GRXCR1: variants seen among roughly 807,000 people sequenced by gnomAD.
GRXCR1 encodes the protein glutaredoxin domain-containing cysteine-rich protein 1.
GRXCR1 carries 27 observed loss-of-function variants against 27.3 expected under a neutral mutation model. The observed-to-expected ratio is 0.99, with a 90% confidence interval of 0.73 to 1.37. The LOEUF (loss-of-function observed/expected upper bound fraction) is 1.37. Among genes scored for constraint, GRXCR1 ranks in the 40% most tolerant of loss-of-function variants. The pLI is 0.00. For missense variants in GRXCR1, 379 were observed against 354.4 expected (o/e 1.07, Z -0.56); for synonymous variants, 122 against 131.1 (o/e 0.93, Z 0.47).
intron 1 of GRXCR1, among the ~76,000 whole-genome samples, chr4:42,939,834 GC>G (rs768018916): frequency 2.6e-4 from 40 of 151,918 alleles, no homozygotes; most frequent in Non-Finnish European, 4.4e-4. Flanking sequence ...CACAGTGTTT[GC>G]CCAGGGGTAT....
chr4:42,980,512 T>G (rs537540558), intron 2 of GRXCR1, among the ~76,000 whole-genome samples: 1 of 152,228 alleles, frequency 6.6e-6, no homozygotes, highest in Non-Finnish European at 1.5e-5. Flanking sequence ...ATACTTGATA[T>G]GATTTTAATC....
At chr4:43,015,970 G>T (rs1379872968) in intron 2 of GRXCR1, among the ~76,000 whole-genome samples, 1 of 152,134 alleles carries the variant, frequency 6.6e-6, no homozygotes, top group Non-Finnish European at 1.5e-5. Context: ...TACACAGATA[G>T]CTAAAATCTG....
chr4:42,930,870 A>G (rs746000202), intron 1 of GRXCR1, among the ~76,000 whole-genome samples: 2 of 151,952 alleles, frequency 1.3e-5, no homozygotes, highest in African/African-American at 2.4e-5. Flanking sequence ...TTTTGCTGTG[A>G]CAATAATTAG....
chr4:42,939,332 T>C (rs1298724162), intron 1 of GRXCR1, among the ~76,000 whole-genome samples: 1 of 144,756 alleles, frequency 6.9e-6, no homozygotes, highest in Non-Finnish European at 1.5e-5. Context: ...AGAAATAATA[T>C]GAATTTTGTA....
chr4:42,919,608 C>T (rs1746963772), intron 1 of GRXCR1, among the ~76,000 whole-genome samples: 1 of 152,008 alleles, frequency 6.6e-6, no homozygotes, highest in Non-Finnish European at 1.5e-5. Context: ...GAAAGAAATA[C>T]ATTTGGATGA....
In GRXCR1 at chr4:42,934,820, G is replaced by A. The variant is rs182847905; in HGVS notation, c.385-28072G>A. Among the ~76,000 whole-genome samples, 307 of 151,998 alleles carry A rather than the reference G, an allele frequency of 2.0e-3. 3 individuals are homozygous for A. The highest frequency in any genetic ancestry group is 3.2e-3 in the Non-Finnish European group (216 of 67,932). ...TTGATAAGAGTTGATTGGTGATGAC[G>A]AGGCCATGTCAATGAGCTCAAAGAA... On this transcript the variant is annotated intron_variant, in intron 1 of 3. Transcript: ENST00000399770.
At chr4:42,962,457 T>A (rs893744253) in intron 1 of GRXCR1, among the ~76,000 whole-genome samples, 1 of 151,912 alleles carries the variant, frequency 6.6e-6, no homozygotes, top group African/African-American at 2.4e-5. Context: ...GACTGTACAA[T>A]TGGATAAATT....
chr4:42,987,248 A>ATATTATATATT (rs370379241), intron 2 of GRXCR1, among the ~76,000 whole-genome samples: 4 of 67,560 alleles, frequency 5.9e-5, no homozygotes, highest in Admixed American at 1.9e-4. Context: ...TATAATATAT[A>ATATTATATATT]ATATATATAT....
At chr4:42,966,752 T>C (rs1344922886) in intron 2 of GRXCR1, among the ~76,000 whole-genome samples, 1 of 152,112 alleles carries the variant, frequency 6.6e-6, no homozygotes, top group Non-Finnish European at 1.5e-5. Flanking sequence ...TGTGTAGAGA[T>C]ATCTCATTGT....
rs1254629616 is a variant in GRXCR1, at chr4:43,026,354, T to A, written c.694-4007T>A. ...TTTGAAAGACATGGCTAGGCATGACTAAATTATTTATTCTTATTAGAATAA... is the reference window on the plus strand; with the variant it reads ...TTTGAAAGACATGGCTAGGCATGACAAAATTATTTATTCTTATTAGAATAA... On this transcript the variant is annotated intron_variant, in intron 3 of 3. Coordinates refer to ENST00000399770, the MANE Select transcript of GRXCR1 (RefSeq NM_001080476.3). 2.0e-5 allele frequency among the ~76,000 whole-genome samples: 3 copies of A among 152,226 alleles called. No individual in the cohort carries two copies. In the East Asian group the frequency reaches 5.8e-4, roughly 29 times the overall value.
intron 2 of GRXCR1, among the ~76,000 whole-genome samples, chr4:42,977,215 C>T (rs970137653): frequency 6.6e-6 from 1 of 151,900 alleles, no homozygotes; most frequent in Admixed American, 6.6e-5. Flanking sequence ...ATCCATTTAT[C>T]CACTGATGGA....
intron 2 of GRXCR1, among the ~76,000 whole-genome samples, chr4:42,981,753 C>T (rs1322797123): frequency 6.6e-6 from 1 of 152,046 alleles, no homozygotes; most frequent in Non-Finnish European, 1.5e-5. Context: ...ATGTATCATC[C>T]CCACTCTCTC....
At chr4:43,003,443 G>T (rs565694255) in intron 2 of GRXCR1, among the ~76,000 whole-genome samples, 67 of 152,348 alleles carry the variant, frequency 4.4e-4, no homozygotes, top group African/African-American at 1.6e-3. Context: ...GGTTGGAACA[G>T]TTTGAAGGGC....
chr4:42,893,536 G>C lies in GRXCR1; in HGVS notation c.270G>C (p.Lys90Asn), dbSNP rs1384750291. The C allele has an allele frequency of 6.2e-7, 1 of 1,613,752 alleles. No homozygotes were observed. Among genetic ancestry groups the C allele is most frequent in the Non-Finnish European group, 8.5e-7 (1 of 1,179,850 alleles). Reference sequence around the variant, plus strand: ...TGTTAGCAAGGGCTGCCAGTGAGAAGGGTTTTGGTACAAGAAGAGTCAACA... The same window carrying C: ...TGTTAGCAAGGGCTGCCAGTGAGAACGGTTTTGGTACAAGAAGAGTCAACA... ...LLVLARAASE[K>N]GFGTRRVNIL... The change falls in exon 1 of 4, where the codon AAG becomes AAC. Residue 90 changes from lysine to asparagine, a missense_variant. Physicochemically the swap from Lys to Asn is moderately conservative, Grantham distance 94. Transcript: ENST00000399770.
rs141719426 is a variant in GRXCR1, at chr4:42,910,742, C to T, written c.384+17092C>T. 1.6e-3 allele frequency among the ~76,000 whole-genome samples: 249 copies of T among 152,252 alleles called. 2 individuals carry two copies. The highest frequency in any genetic ancestry group is 5.7e-3 in the African/African-American group (237 of 41,558). ...TCCATTCTGACTCCTCCAGTCTTAT[C>T]GCTGGACACACTCTCCCTTACAGCA... On this transcript the variant is annotated intron_variant, in intron 1 of 3. Coordinates refer to ENST00000399770, the MANE Select transcript of GRXCR1 (RefSeq NM_001080476.3).
chr4:42,997,315 T>A (rs1712199320), intron 2 of GRXCR1, among the ~76,000 whole-genome samples: 1 of 152,180 alleles, frequency 6.6e-6, no homozygotes, highest in Non-Finnish European at 1.5e-5. Flanking sequence ...GATTAGCAAA[T>A]TGTGATTTTA....
intron 1 of GRXCR1, among the ~76,000 whole-genome samples, chr4:42,928,801 G>C (rs1312100440): frequency 6.6e-6 from 1 of 151,898 alleles, no homozygotes; most frequent in Non-Finnish European, 1.5e-5. Context: ...CTAGTTGTCT[G>C]ATCCCTGACC....
chr4:42,993,173 G>C (rs769764998), intron 2 of GRXCR1, among the ~76,000 whole-genome samples: 1 of 151,932 alleles, frequency 6.6e-6, no homozygotes, highest in African/African-American at 2.4e-5. Context: ...CAAGTAAAAG[G>C]TAAGTGAAAT....
intron 1 of GRXCR1, among the ~76,000 whole-genome samples, chr4:42,942,723 G>C (rs1452691412): frequency 2.0e-5 from 3 of 152,110 alleles, no homozygotes; most frequent in Non-Finnish European, 4.4e-5. Flanking sequence ...CTGGTGATCT[G>C]TTGACCACAT....
Sources: allele counts gnomAD v4.1 joint callset (sites outside exome capture counted in the v4.1 genomes callset), GRCh38; gene constraint gnomAD v4.1.1; transcripts MANE v1.5; gene names NCBI Gene and HGNC (gene_info 2026-07-23, HGNC 2026-07-21).